METTL21C: variants seen among roughly 807,000 people sequenced by gnomAD.
METTL21C encodes protein-lysine methyltransferase METTL21C.
METTL21C carries 21 observed loss-of-function variants against 25.9 expected under a neutral mutation model. The observed-to-expected ratio is 0.81, with a 90% CI of 0.58 to 1.17. METTL21C has a LOEUF of 1.17. METTL21C is among the 50% of genes most tolerant of loss of function. The pLI is 0.00. For synonymous variants in METTL21C, 125 were observed against 124.7 expected (o/e 1.00, Z -0.01); for missense variants, 312 against 315.1 (o/e 0.99, Z 0.07).
chr13:102,688,949 C>T (rs562873371), intron 2 of METTL21C, among the ~76,000 whole-genome samples: 6 of 152,260 alleles, frequency 3.9e-5, no homozygotes, highest in African/African-American at 1.4e-4. Context: ...AGGAAAAGGG[C>T]GCCTTCCCAC....
rs2139639260 is a variant in METTL21C at position 102,686,060 on chromosome 13, G to C, written c.766C>G (p.Leu256Val). Residue 256 changes from leucine (L) to valine (V), a missense_variant, in exon 4 of 4, where the codon CTT (leucine) becomes GTT (valine). Transcript: ENST00000267273. ...LAEYPESSVK[L>V]FKGILKWD ...TCCCATTTTAGTATCCCCTTAAAAAGTTTGACTGATGACTCTGGATATTCA... is the reference window on the plus strand; with the variant it reads ...TCCCATTTTAGTATCCCCTTAAAAACTTTGACTGATGACTCTGGATATTCA... 1 of 1,593,942 alleles carries C rather than the reference G, an allele frequency of 6.3e-7. No individual in the cohort carries two copies. Among genetic ancestry groups the C allele is most frequent in the Middle Eastern group, 1.7e-4 (1 of 5,960 alleles).
upstream of METTL21C, among the ~76,000 whole-genome samples, chr13:102,695,553 T>C (rs1885933891): frequency 6.6e-6 from 1 of 152,150 alleles, no homozygotes; most frequent in South Asian, 2.1e-4. Flanking sequence ...TTAACCTGAG[T>C]AGATATAAAA....
chr13:102,688,765 G>A (rs1399217416), intron 2 of METTL21C, among the ~76,000 whole-genome samples: 1 of 152,318 alleles, frequency 6.6e-6, no homozygotes, highest in South Asian at 2.1e-4. Flanking sequence ...GGCTGCAGGG[G>A]TCCTTCCTGG....
chr13:102,689,050 C>T (rs1054616748), intron 2 of METTL21C, among the ~76,000 whole-genome samples: 4 of 152,084 alleles, frequency 2.6e-5, no homozygotes, highest in Non-Finnish European at 5.9e-5. Flanking sequence ...CAGAATAAAA[C>T]AGGGGGACAA....
rs989865391 is a variant in METTL21C, at chr13:102,694,366, T to C, written c.130+3A>G. 2.5e-6 allele frequency: 4 copies of C among 1,600,560 alleles called. No individual in the cohort carries two copies. In the African/African-American group the frequency reaches 5.4e-5, roughly 22 times the overall value. ...CTGTTGAAGTGATGAAGAAGGAGGT[T>C]ACCTTCTAGGACTCCCCCGGTGCTG... On this transcript the variant is annotated splice_donor_region_variant and intron_variant, in intron 1 of 3. Transcript: ENST00000267273.
chr13:102,689,745 G>A (rs889710834), intron 2 of METTL21C, among the ~76,000 whole-genome samples: 43 of 152,188 alleles, frequency 2.8e-4, no homozygotes, highest in Non-Finnish European at 8.8e-5. Flanking sequence ...GCTTTACCAC[G>A]CCAGCAGACT....
Position 102,685,916 on chromosome 13 carries a change from C to CA in METTL21C, c.*114dup. Reference sequence around the variant, plus strand: ...TATTGTTACATTTGTTCCAAGTATACAAGTTGTTTCTATGCACTACCTTCT... The same window carrying CA: ...TATTGTTACATTTGTTCCAAGTATACAAAGTTGTTTCTATGCACTACCTTCT... On this transcript the variant is annotated 3_prime_UTR_variant, in exon 4 of 4. Transcript: ENST00000267273. 1.0e-6 allele frequency: 1 copy of CA among 992,132 alleles called. No homozygotes were observed. Among genetic ancestry groups the CA allele is most frequent in the Non-Finnish European group, 1.4e-6 (1 of 691,552 alleles). The allele number at this position is 992,132 out of a possible 1,614,324, so 61.5% of individuals were successfully genotyped here. A position where few individuals can be genotyped will look rare whatever the true frequency, so the allele number is the denominator to read the frequency against.
At chr13:102,696,367 G>T (rs564422649), upstream of METTL21C, among the ~76,000 whole-genome samples, 7 of 151,996 alleles carry the variant, frequency 4.6e-5, no homozygotes, top group Non-Finnish European at 1.0e-4. Flanking sequence ...CCTGTCAGGG[G>T]GTGGGGGACT....
In METTL21C at chr13:102,690,838, CT is replaced by C. The variant is rs779268261; in HGVS notation, c.256del (p.Ser86ValfsTer24). ...CCCTGGCCACACCACCGCTCCGTAACTCTCTATGGATTCCTGGATGACAATC... is the reference window on the plus strand; with the variant it reads ...CCCTGGCCACACCACCGCTCCGTAACCTCTATGGATTCCTGGATGACAATC... ...KEIVIQESIE[S>X]YGAVVWPGAM... On this transcript the variant is annotated frameshift_variant, in exon 2 of 4. Transcript: ENST00000267273. LOFTEE classifies it high-confidence loss of function. 1 of 1,614,170 alleles carries C rather than the reference CT, an allele frequency of 6.2e-7. No individual in the cohort carries two copies. Among genetic ancestry groups the C allele is most frequent in the Non-Finnish European group, 8.5e-7 (1 of 1,180,024 alleles).
the METTL21C span, among the ~76,000 whole-genome samples, chr13:102,700,241 C>A: frequency 2.0e-5 from 3 of 152,212 alleles, no homozygotes; most frequent in African/African-American, 7.2e-5. Flanking sequence ...GGCTTCACTG[C>A]AGGGGATGGC....
chr13:102,695,843 G>A (rs1157921385), upstream of METTL21C, among the ~76,000 whole-genome samples: 1 of 152,128 alleles, frequency 6.6e-6, no homozygotes, highest in Admixed American at 6.5e-5. Flanking sequence ...GTCCCTATGA[G>A]AAATAGCAAA....
At chr13:102,697,492 G>A (rs149379311), upstream of METTL21C, among the ~76,000 whole-genome samples, 191 of 152,270 alleles carry the variant, frequency 1.3e-3, no homozygotes, top group Middle Eastern at 3.4e-3. Context: ...GCCAGGCAAA[G>A]GATCAGCATT....
rs1373692321 is a variant in METTL21C, at chr13:102,694,427, C to A, written c.72G>T (p.Trp24Cys). 1 of 1,470,400 alleles carries A rather than the reference C, an allele frequency of 6.8e-7. No individual in the cohort carries two copies. Among genetic ancestry groups the A allele is most frequent in the Admixed American group, 2.2e-5 (1 of 46,018 alleles). The allele number at this position is 1,470,400 out of a possible 1,614,324, so 91.1% of individuals were successfully genotyped here. A position where few individuals can be genotyped will look rare whatever the true frequency, so the allele number is the denominator to read the frequency against. The stretch of plus-strand genomic sequence containing the variant: ...GAGCCCCCTTCTTCTCAGCCTCTAA[C>A]CAGCCACCCGGGGAGCTGAGTCCTT... ...RGEGLSSPGGWLEAEKKGAPQ... is the reference protein window; with the variant it reads ...RGEGLSSPGGCLEAEKKGAPQ... The change falls in exon 1 of 4, where the codon TGG (tryptophan) becomes TGT (cysteine). Residue 24 changes from tryptophan to cysteine, a missense_variant. Coordinates refer to ENST00000267273, the MANE Select transcript of METTL21C (RefSeq NM_001010977.3).
upstream of METTL21C, among the ~76,000 whole-genome samples, chr13:102,695,270 G>T (rs1016144624): frequency 2.0e-5 from 3 of 152,160 alleles, no homozygotes; most frequent in African/African-American, 7.2e-5. Context: ...GAAGGGACGG[G>T]AGTCAAAGGC....
upstream of METTL21C, among the ~76,000 whole-genome samples, chr13:102,695,172 C>T (rs547512791): frequency 6.6e-6 from 1 of 151,984 alleles, no homozygotes; most frequent in East Asian, 1.9e-4. Context: ...GCCTAGGACC[C>T]GTATCCAGGC....
At chr13:102,691,076 GAA>G in intron 1 of METTL21C, 112 bp from the exon 2 acceptor site, 2 of 1,214,804 alleles carry the variant, frequency 1.6e-6, no homozygotes, top group Admixed American at 4.2e-5. Context: ...TACATAAAGA[GAA>G]GGGATGATGC....
chr13:102,685,908 C>T lies in METTL21C; in HGVS notation c.*123G>A. On this transcript the variant is annotated 3_prime_UTR_variant, in exon 4 of 4. Coordinates refer to ENST00000267273, the MANE Select transcript of METTL21C (RefSeq NM_001010977.3). ...TTCTGCAGTATTGTTACATTTGTTC[C>T]AAGTATACAAGTTGTTTCTATGCAC... is the stretch of plus-strand genomic sequence containing the variant. 5 of 886,526 alleles carry T rather than the reference C, an allele frequency of 5.6e-6. No individual in the cohort carries two copies. The highest frequency in any genetic ancestry group is 2.3e-5 in the South Asian group (1 of 44,386). 54.9% of individuals were successfully genotyped at this position (886,526 alleles called of 1,614,324 possible). A position where few individuals can be genotyped will look rare whatever the true frequency, so the allele number is the denominator to read the frequency against.
chr13:102,696,368 G>T (rs899629718), upstream of METTL21C, among the ~76,000 whole-genome samples: 1 of 151,502 alleles, frequency 6.6e-6, no homozygotes, highest in African/African-American at 2.4e-5. Flanking sequence ...CTGTCAGGGG[G>T]TGGGGGACTT....
upstream of METTL21C, among the ~76,000 whole-genome samples, chr13:102,696,656 G>T (rs1284142955): frequency 6.6e-6 from 1 of 152,122 alleles, no homozygotes; most frequent in Non-Finnish European, 1.5e-5. Flanking sequence ...GCTCTTAAAT[G>T]CTGGACTTAC....
Sources: gnomAD v4.1 joint callset for allele counts (sites outside exome capture counted in the v4.1 genomes callset) on GRCh38, gnomAD v4.1.1 for gene constraint, MANE v1.5 for transcripts, NCBI Gene and HGNC (gene_info 2026-07-23, HGNC 2026-07-21) for gene names.